The following AMBRA1 variants were observed in gnomAD, a reference collection of about 807,000 sequenced individuals.
AMBRA1 encodes the protein autophagy and beclin 1 regulator 1.
A neutral mutation model predicts 125.4 loss-of-function variants in AMBRA1; 47 were observed. That is an observed-to-expected ratio of 0.37 (90% CI 0.30 to 0.48). The LOEUF is 0.48. Ranked by LOEUF, AMBRA1 falls within the 20% of genes least tolerant of loss-of-function variation. The probability of loss-of-function intolerance (pLI) is 0.99; values close to 1 mark genes in which losing one functional copy is unlikely to be tolerated. For synonymous variants in AMBRA1, 626 were observed against 655.5 expected, an observed-to-expected ratio of 0.95 and a Z score of 0.69; for missense variants, 1,331 against 1,693.4, an observed-to-expected ratio of 0.79 and a Z score of 3.76.
intron 4 of AMBRA1, 62 bp from the exon 5 acceptor site, chr11:46,545,838 A>G: frequency 6.5e-7 from 1 of 1,539,580 alleles, no homozygotes; most frequent in Non-Finnish European, 8.9e-7. Flanking sequence ...TGGGAAGTCA[A>G]TTTCAAGAAA....
chr11:46,417,835 G>C (rs1946611816), intron 15 of AMBRA1, 78 bp downstream of exon 15: 3 of 1,443,262 alleles, frequency 2.1e-6, no homozygotes, highest in Non-Finnish European at 2.8e-6. Flanking sequence ...CCTTCTAAAA[G>C]ACCCCAGTTG....
At chr11:46,414,222 G>T (rs1479980128) in intron 15 of AMBRA1, among the ~76,000 whole-genome samples, 1 of 152,218 alleles carries the variant, frequency 6.6e-6, no homozygotes, top group Admixed American at 6.5e-5. Flanking sequence ...CGACGGGAGA[G>T]GATCAGACCA....
At chr11:46,403,588 C>G (rs1269371500) in intron 17 of AMBRA1, among the ~76,000 whole-genome samples, 2 of 152,230 alleles carry the variant, frequency 1.3e-5, no homozygotes, top group African/African-American at 4.8e-5. Flanking sequence ...CCAGGAAATG[C>G]TTCCCTCCCT....
At chr11:46,429,228 C>T in intron 14 of AMBRA1, 20 of 1,219,158 alleles carry the variant, frequency 1.6e-5, no homozygotes, top group Non-Finnish European at 2.3e-5. Flanking sequence ...CGGCCCCCTA[C>T]CCCATAAAAT....
At chr11:46,488,356 T>G (rs1665140057) in intron 11 of AMBRA1, among the ~76,000 whole-genome samples, 1 of 151,928 alleles carries the variant, frequency 6.6e-6, no homozygotes, top group South Asian at 2.1e-4. Context: ...CTCAGGAGGC[T>G]GAGGCAGGAG....
intron 7 of AMBRA1, among the ~76,000 whole-genome samples, chr11:46,535,498 C>T (rs377209167): frequency 1.9e-4 from 29 of 152,284 alleles, no homozygotes; most frequent in African/African-American, 6.5e-4. Context: ...TTAATGAATG[C>T]CTTCCACAGA....
At chr11:46,536,080 T>C (rs1225320080) in intron 7 of AMBRA1, among the ~76,000 whole-genome samples, 1 of 152,210 alleles carries the variant, frequency 6.6e-6, no homozygotes, top group African/African-American at 2.4e-5. Context: ...GACCAAATGA[T>C]GGGATATAGT....
chr11:46,488,889 G>A (rs1177577184), intron 11 of AMBRA1, among the ~76,000 whole-genome samples: 3 of 152,046 alleles, frequency 2.0e-5, no homozygotes, highest in Admixed American at 2.0e-4. Flanking sequence ...AAGTGACACC[G>A]TTCAGTAAAA....
At chr11:46,496,074 A>G (rs1251342529) in intron 9 of AMBRA1, among the ~76,000 whole-genome samples, 1 of 151,978 alleles carries the variant, frequency 6.6e-6, no homozygotes, top group African/African-American at 2.4e-5. Flanking sequence ...TCATCTCTTT[A>G]AAGAAAGATA....
At chr11:46,533,993 C>T (rs1474714153) in intron 7 of AMBRA1, among the ~76,000 whole-genome samples, 3 of 151,284 alleles carry the variant, frequency 2.0e-5, no homozygotes, top group African/African-American at 4.9e-5. Flanking sequence ...GGTTTGTTTT[C>T]GCACTTCTTT....
chr11:46,442,130 T>G lies in AMBRA1; in HGVS notation c.2632+1358A>C, dbSNP rs117051584. 9.8e-3 allele frequency among the ~76,000 whole-genome samples: 1,488 copies of G among 151,400 alleles called. 15 individuals carry two copies. The highest frequency in any genetic ancestry group is 0.014 in the Non-Finnish European group (973 of 67,816). ...GGACTACAGATGTACGCCACCATGC[T>G]CAATTAATTGTGTGTTTTTGTTTTT... On this transcript the variant is annotated intron_variant, in intron 12 of 17. Transcript: ENST00000683756.
intron 11 of AMBRA1, among the ~76,000 whole-genome samples, chr11:46,447,361 C>T (rs1948343349): frequency 6.6e-6 from 1 of 152,062 alleles, no homozygotes; most frequent in Admixed American, 6.6e-5. Flanking sequence ...ATGGTGAAAC[C>T]CTACCTCTAC....
chr11:46,465,296 T>G (rs2136853977), intron 11 of AMBRA1, among the ~76,000 whole-genome samples: 1 of 152,306 alleles, frequency 6.6e-6, no homozygotes, highest in East Asian at 1.9e-4. Context: ...CCATGTGGCC[T>G]TGTGTTGTGT....
intron 7 of AMBRA1, among the ~76,000 whole-genome samples, chr11:46,520,792 A>G (rs1951729140): frequency 6.7e-6 from 1 of 149,198 alleles, no homozygotes; most frequent in Admixed American, 6.7e-5. Context: ...TTTTTAGTAG[A>G]GACGGGGTTT....
chr11:46,572,042 C>T (rs112746390), intron 1 of AMBRA1, among the ~76,000 whole-genome samples: 1,929 of 152,202 alleles, frequency 0.013, 46 homozygotes, highest in African/African-American at 0.044. Context: ...GTAGCTCACG[C>T]CTATAATCCC....
rs142069547 is a variant in AMBRA1 at position 46,575,061 on chromosome 11, C to G, written c.-121+18767G>C. On this transcript the variant is annotated intron_variant, in intron 1 of 17. Transcript: ENST00000683756. ...CAGCAGAGAAGTGAACAAGTAAATG[C>G]TCCCATAGTTCAACTAGCATAAACA... Among the ~76,000 whole-genome samples the G allele has an allele frequency of 7.3e-3, 1,115 of 152,242 alleles. 8 individuals carry two copies. The highest frequency in any genetic ancestry group is 9.5e-3 in the Non-Finnish European group (645 of 68,004).
chr11:46,489,771 C>G (rs1950399830), intron 11 of AMBRA1, among the ~76,000 whole-genome samples: 1 of 152,170 alleles, frequency 6.6e-6, no homozygotes, highest in Non-Finnish European at 1.5e-5. Context: ...CTGTCAAATG[C>G]CAAGCTTCTT....
chr11:46,473,892 G>A (rs755825159), intron 11 of AMBRA1, among the ~76,000 whole-genome samples: 3 of 152,114 alleles, frequency 2.0e-5, no homozygotes, highest in Non-Finnish European at 2.9e-5. Context: ...CCTTGTGATC[G>A]GCCCGCCTCA....
In AMBRA1 at chr11:46,397,413, G is replaced by A. The variant is rs758003607; in HGVS notation, c.*37C>T. ...CAGCTGTGAGGTCCGGTTTCTGCTT[G>A]GCGGTTCGAGGGGAGGCACCAGTGC... On this transcript the variant is annotated 3_prime_UTR_variant, in exon 18 of 18. Transcript: ENST00000683756. 12 of 1,468,910 alleles carry A rather than the reference G, an allele frequency of 8.2e-6. No individual in the cohort carries two copies. Among genetic ancestry groups the A allele is most frequent in the African/African-American group, 1.4e-5 (1 of 70,784 alleles). The allele number at this position is 1,468,910 out of a possible 1,614,324, so 91.0% of individuals were successfully genotyped here. A position where few individuals can be genotyped will look rare whatever the true frequency, so the allele number is the denominator to read the frequency against.
Sources: allele counts gnomAD v4.1 joint callset (sites outside exome capture counted in the v4.1 genomes callset), GRCh38; gene constraint gnomAD v4.1.1; transcripts MANE v1.5; gene names NCBI Gene and HGNC (gene_info 2026-07-23, HGNC 2026-07-21).